NEBL: variants seen among roughly 807,000 people sequenced by gnomAD.
NEBL encodes LIM and SH3 protein 2.
A neutral mutation model predicts 140.2 loss-of-function variants in NEBL; 122 were observed. The ratio of observed to expected loss-of-function variants is 0.87; its 90% CI spans 0.75 to 1.01. NEBL has a LOEUF of 1.01. NEBL is among the 50% of genes least tolerant of loss of function. The pLI is 0.00. For missense variants in NEBL, 1,365 were observed against 1,231.3 expected, an observed-to-expected ratio of 1.11 and a Z score of -1.62; for synonymous variants, 436 against 398.9, an observed-to-expected ratio of 1.09 and a Z score of -1.11.
At chr10:20,857,743 C>T (rs1446290277) in intron 9 of NEBL, among the ~76,000 whole-genome samples, 5 of 152,102 alleles carry the variant, frequency 3.3e-5, no homozygotes, top group South Asian at 4.2e-4. Context: ...TTGCCTTGAC[C>T]GAGAACATGG....
chr10:20,858,542 C>T (rs1056734573), intron 8 of NEBL, among the ~76,000 whole-genome samples, 198 bp from the exon 9 acceptor site: 55 of 152,268 alleles, frequency 3.6e-4, no homozygotes, highest in Non-Finnish European at 7.5e-4. Context: ...CTTGAGAATA[C>T]TTGGATAATT....
upstream of NEBL, among the ~76,000 whole-genome samples, chr10:20,898,096 C>T (rs1182819930): frequency 2.0e-5 from 3 of 152,072 alleles, no homozygotes; most frequent in Non-Finnish European, 4.4e-5. Context: ...ACCCCACATT[C>T]AGAAAAGTTT....
chr10:21,166,883 G>C (rs1840801938), intron 2 of NEBL, among the ~76,000 whole-genome samples: 1 of 152,178 alleles, frequency 6.6e-6, no homozygotes, highest in Non-Finnish European at 1.5e-5. Context: ...GAGTGTTCTA[G>C]AACCAAATTC....
intron 1 of NEBL, among the ~76,000 whole-genome samples, chr10:21,282,142 T>A (rs549601617): frequency 6.6e-6 from 1 of 152,106 alleles, no homozygotes; most frequent in Non-Finnish European, 1.5e-5. Context: ...GCCAAAGAGA[T>A]CAGTAAACAT....
At chr10:20,990,684 G>A (rs189921980) in intron 3 of NEBL, among the ~76,000 whole-genome samples, 1 of 152,208 alleles carries the variant, frequency 6.6e-6, no homozygotes, top group African/African-American at 2.4e-5. Context: ...ACTGTGCAGA[G>A]AATTTATGCA....
At chr10:20,862,251 C>G (rs528596289) in intron 7 of NEBL, among the ~76,000 whole-genome samples, 4 of 152,110 alleles carry the variant, frequency 2.6e-5, no homozygotes, top group Non-Finnish European at 5.9e-5. Context: ...TAATAATAAG[C>G]ATTGTATTGT....
chr10:21,185,253 T>C (rs1841446052), intron 3 of NEBL, among the ~76,000 whole-genome samples: 1 of 152,200 alleles, frequency 6.6e-6, no homozygotes, highest in Admixed American at 6.5e-5. Flanking sequence ...GCCCTTGTTC[T>C]GGCTCCTTAC....
chr10:20,985,137 T>C lies in NEBL; in HGVS notation c.250-23358A>G, dbSNP rs185875622. Among the ~76,000 whole-genome samples, 20 of 152,288 alleles carry C rather than the reference T, an allele frequency of 1.3e-4. No homozygotes were observed. In the East Asian group the frequency reaches 3.9e-3, roughly 29 times the overall value. On this transcript the variant is annotated intron_variant, in intron 3 of 6. Transcript: ENST00000417816. ...GTAATAATAGACATAAAGTGTACAATAAATGTAATGTACTTGAATTATCCT... is the reference window on the plus strand; with the variant it reads ...GTAATAATAGACATAAAGTGTACAACAAATGTAATGTACTTGAATTATCCT...
At chr10:21,095,133 T>C (rs1251927337) in intron 2 of NEBL, among the ~76,000 whole-genome samples, 3 of 152,196 alleles carry the variant, frequency 2.0e-5, no homozygotes, top group African/African-American at 7.2e-5. Context: ...CAACCAACCA[T>C]ATCAGAATCT....
intron 9 of NEBL, among the ~76,000 whole-genome samples, chr10:20,855,227 T>TA (rs751211791): frequency 0.046 from 5,995 of 129,348 alleles, 311 homozygotes; most frequent in African/African-American, 0.13. Flanking sequence ...GAGTCCGTCT[T>TA]AAAAAAAAAA....
At chr10:21,230,608 T>C (rs116665923) in intron 3 of NEBL, among the ~76,000 whole-genome samples, 5 of 145,850 alleles carry the variant, frequency 3.4e-5, no homozygotes, top group East Asian at 2.0e-4. Flanking sequence ...GGAAACCTTT[T>C]TTTTTTTTTT....
intron 3 of NEBL, 44 bp from the exon 4 acceptor site, chr10:20,888,251 C>G (rs942766925): frequency 1.7e-5 from 20 of 1,197,112 alleles, no homozygotes; most frequent in Admixed American, 3.6e-5. Context: ...AATAAACTTC[C>G]ATTTTTTTAA....
At chr10:20,951,396 A>T (rs1186207312) in intron 4 of NEBL, among the ~76,000 whole-genome samples, 1 of 152,084 alleles carries the variant, frequency 6.6e-6, no homozygotes, top group African/African-American at 2.4e-5. Flanking sequence ...GCAAAAAAAA[A>T]AAAAGAAAGA....
chr10:21,074,795 T>G (rs986485610), intron 2 of NEBL, among the ~76,000 whole-genome samples: 3 of 148,760 alleles, frequency 2.0e-5, no homozygotes, highest in Non-Finnish European at 4.4e-5. Flanking sequence ...TATATATATT[T>G]TTGTTGTTGT....
chr10:20,927,244 C>T (rs779286849), intron 4 of NEBL, among the ~76,000 whole-genome samples: 26 of 152,202 alleles, frequency 1.7e-4, no homozygotes, highest in Admixed American at 1.0e-3. Flanking sequence ...CAGATGCCCA[C>T]AGAACATCAT....
Position 21,030,767 on chromosome 10 carries a change from A to G in NEBL, c.165-10566T>C, listed in dbSNP as rs1324203392. On this transcript the variant is annotated intron_variant, in intron 2 of 6. Transcript: ENST00000417816. ...GATAGGAAAGATGGCAAAAAGGAGC[A>G]TGACTCCAGATCTGCACCTGAGCCA... 12 of 421,884 alleles carry G rather than the reference A, an allele frequency of 2.8e-5. No homozygotes were observed. The East Asian group carries it at 6.9e-4, about 24-fold the overall frequency. The allele number at this position is 421,884 out of a possible 1,614,324, so 26.1% of individuals were successfully genotyped here.
chr10:21,100,969 G>A (rs571530562), intron 2 of NEBL, among the ~76,000 whole-genome samples: 2 of 152,078 alleles, frequency 1.3e-5, no homozygotes, highest in African/African-American at 2.4e-5. Context: ...CCCACACATC[G>A]ACCTTTCACG....
intron 7 of NEBL, among the ~76,000 whole-genome samples, chr10:20,862,971 T>A (rs1003327739): frequency 6.6e-6 from 1 of 152,158 alleles, no homozygotes; most frequent in South Asian, 2.1e-4. Flanking sequence ...CAGTGCATAA[T>A]AATCACATCA....
At chr10:20,982,501 A>T (rs1445157974) in intron 3 of NEBL, among the ~76,000 whole-genome samples, 1 of 152,246 alleles carries the variant, frequency 6.6e-6, no homozygotes, top group Non-Finnish European at 1.5e-5. Context: ...CAATTTTCAG[A>T]GGAGAGAATA....
Sources: gnomAD v4.1 joint callset for allele counts (sites outside exome capture counted in the v4.1 genomes callset) on GRCh38, gnomAD v4.1.1 for gene constraint, MANE v1.5 for transcripts, NCBI Gene and HGNC (gene_info 2026-07-23, HGNC 2026-07-21) for gene names.